The following APP variants were observed in gnomAD, a reference collection of about 807,000 sequenced individuals.
APP encodes the protein amyloid beta precursor protein.
APP carries 31 observed loss-of-function variants against 101.4 expected under a neutral mutation model. The observed-to-expected ratio is 0.31, with a 90% CI of 0.23 to 0.41. APP has a LOEUF of 0.41. Among genes scored for constraint, APP ranks in the 10% least tolerant of loss-of-function variants. The pLI is 1.00. For missense variants in APP, 839 were observed against 1,003.7 expected (o/e 0.84, Z 2.22); for synonymous variants, 366 against 364.4 (o/e 1.00, Z -0.05).
intron 5 of APP, among the ~76,000 whole-genome samples, chr21:26,022,373 G>C (rs1452209421): frequency 3.9e-4 from 59 of 152,038 alleles, no homozygotes; most frequent in Admixed American, 3.9e-3. Context: ...GTGGAGTAGA[G>C]AGGATTTTTA....
chr21:25,889,787 C>T (rs995366978), intron 17 of APP, among the ~76,000 whole-genome samples: 2 of 151,998 alleles, frequency 1.3e-5, no homozygotes, highest in African/African-American at 4.8e-5. Flanking sequence ...GTGGAGGTTG[C>T]AGTGAGCGGA....
chr21:26,149,784 C>T (rs1337139864), intron 1 of APP, among the ~76,000 whole-genome samples: 2 of 152,106 alleles, frequency 1.3e-5, no homozygotes, highest in African/African-American at 4.8e-5. Context: ...AGACCCTCAC[C>T]ATTAGTTTTT....
intron 6 of APP, among the ~76,000 whole-genome samples, chr21:26,009,100 T>C (rs566558999): frequency 2.0e-5 from 3 of 152,330 alleles, no homozygotes; most frequent in East Asian, 1.9e-4. Flanking sequence ...CCTTATCTTT[T>C]AAATGCAATA....
chr21:26,012,449 C>G (rs138921799), intron 6 of APP, among the ~76,000 whole-genome samples: 150 of 152,128 alleles, frequency 9.9e-4, no homozygotes, highest in Non-Finnish European at 1.9e-3. Context: ...CTTCTACTAA[C>G]AGAATCACAA....
intron 5 of APP, among the ~76,000 whole-genome samples, chr21:26,030,829 CAT>C (rs967573605): frequency 6.6e-6 from 1 of 152,106 alleles, no homozygotes; most frequent in Non-Finnish European, 1.5e-5. Flanking sequence ...ATGGGTGATC[CAT>C]ATATATTTTG....
chr21:25,952,182 T>TTATA (rs2041105508), intron 13 of APP, among the ~76,000 whole-genome samples: 1 of 124,828 alleles, frequency 8.0e-6, no homozygotes, highest in Non-Finnish European at 1.8e-5. Flanking sequence ...TGAGAGCATA[T>TTATA]TACATACATA....
rs2037719974 is a variant in APP at position 25,891,859 on chromosome 21, C to T, written c.2074G>A (p.Ala692Thr). 6.2e-7 allele frequency: 1 copy of T among 1,613,710 alleles called. No individual in the cohort carries two copies. Among genetic ancestry groups the T allele is most frequent in the Non-Finnish European group, 8.5e-7 (1 of 1,179,932 alleles). Residue 692 changes from alanine to threonine, a missense_variant, in exon 17 of 18, where the codon GCA becomes ACA. Physicochemically the swap from Ala to Thr is moderately conservative, Grantham distance 58. Transcript: ENST00000346798. Reference sequence around the variant, plus strand: ...CCTTTGTTTGAACCCACATCTTCTGCAAAGAACACCTTGAAAACAAATTAA... The same window carrying T: ...CCTTTGTTTGAACCCACATCTTCTGTAAAGAACACCTTGAAAACAAATTAA... ...EVHHQKLVFF[A>T]EDVGSNKGAI...
At chr21:26,160,423 CA>C (rs1188295488) in intron 1 of APP, among the ~76,000 whole-genome samples, 1 of 152,086 alleles carries the variant, frequency 6.6e-6, no homozygotes, top group Non-Finnish European at 1.5e-5. Flanking sequence ...ACACTTGACA[CA>C]AAACATTCAA....
chr21:26,083,559 A>T (rs1272598184), intron 3 of APP, among the ~76,000 whole-genome samples: 1 of 152,254 alleles, frequency 6.6e-6, no homozygotes, highest in African/African-American at 2.4e-5. Context: ...TACGTTGAAT[A>T]TATGTTACTT....
chr21:25,995,941 AG>A (rs1415942079), intron 8 of APP, among the ~76,000 whole-genome samples: 1 of 144,396 alleles, frequency 6.9e-6, no homozygotes, highest in Non-Finnish European at 1.5e-5. Context: ...TTTTGAGATG[AG>A]GGTTTTTTTT....
At chr21:26,034,625 G>C (rs1400168557) in intron 5 of APP, among the ~76,000 whole-genome samples, 6 of 117,716 alleles carry the variant, frequency 5.1e-5, no homozygotes, top group Non-Finnish European at 8.3e-5. Flanking sequence ...CTGGGCGACA[G>C]AGCAAGACTT....
intron 6 of APP, among the ~76,000 whole-genome samples, chr21:26,021,510 T>C (rs1466304673): frequency 6.6e-6 from 1 of 152,100 alleles, no homozygotes; most frequent in Non-Finnish European, 1.5e-5. Flanking sequence ...TAACAAACAC[T>C]CACTGCCAAA....
intron 3 of APP, among the ~76,000 whole-genome samples, chr21:26,077,214 C>G (rs375537913): frequency 6.6e-6 from 1 of 152,276 alleles, no homozygotes; most frequent in African/African-American, 2.4e-5. Context: ...AAATCATTCA[C>G]GGCCATCTCA....
intron 11 of APP, among the ~76,000 whole-genome samples, chr21:25,967,139 T>C (rs185319441): frequency 2.2e-4 from 34 of 152,316 alleles, no homozygotes; most frequent in Non-Finnish European, 3.5e-4. Flanking sequence ...AAATTTAACA[T>C]GTGGCTGAAC....
chr21:26,167,718 C>T (rs986289300), intron 1 of APP, among the ~76,000 whole-genome samples: 18 of 152,190 alleles, frequency 1.2e-4, no homozygotes, highest in Admixed American at 9.8e-4. Context: ...CCTCATTTAA[C>T]CTCGTGAACT....
chr21:25,955,708 C>T lies in APP; in HGVS notation c.1506G>A (p.Gln502=), dbSNP rs765603155. The change falls in exon 12 of 18, where the codon CAG becomes CAA. Residue 502 remains glutamine, a synonymous_variant. Coordinates refer to ENST00000346798, the MANE Select transcript of APP (RefSeq NM_000484.4). Reference sequence around the variant, plus strand: ...GCTTTAGGGTGTGCTGTCTGTCCTTCTGTTCTGCGCGGACATACTTCTTTA... The same window carrying T: ...GCTTTAGGGTGTGCTGTCTGTCCTTTTGTTCTGCGCGGACATACTTCTTTA... ...NMLKKYVRAE[Q]KDRQHTLKHF... 1.2e-6 allele frequency: 2 copies of T among 1,614,186 alleles called. No individual in the cohort carries two copies. Among genetic ancestry groups the T allele is most frequent in the South Asian group, 2.2e-5 (2 of 91,080 alleles).
intron 17 of APP, 45 bp downstream of exon 17, chr21:25,891,677 A>G (rs1190336088): frequency 3.1e-6 from 5 of 1,597,198 alleles, no homozygotes; most frequent in Non-Finnish European, 4.3e-6. Context: ...TAATTCTCTC[A>G]TAGTCTTAAT....
chr21:25,938,438 T>C (rs977154057), intron 13 of APP, among the ~76,000 whole-genome samples: 1 of 152,000 alleles, frequency 6.6e-6, no homozygotes, highest in African/African-American at 2.4e-5. Flanking sequence ...TTTTTTTCAA[T>C]GAAAATGACA....
chr21:26,023,000 C>T (rs2044411395), intron 5 of APP, among the ~76,000 whole-genome samples: 1 of 147,808 alleles, frequency 6.8e-6, no homozygotes. Flanking sequence ...ATGAAACTGA[C>T]TTAAGTAAAC....
Sources: allele counts gnomAD v4.1 joint callset (sites outside exome capture counted in the v4.1 genomes callset), GRCh38; gene constraint gnomAD v4.1.1; transcripts MANE v1.5; gene names NCBI Gene and HGNC (gene_info 2026-07-23, HGNC 2026-07-21).